ACAD10: variants seen among roughly 807,000 people sequenced by gnomAD.
ACAD10 encodes the protein ACAD-10.
In ACAD10, 112 loss-of-function variants were observed where a neutral mutation model predicts 116.8. That is an observed-to-expected ratio of 0.96 (90% CI 0.82 to 1.12). ACAD10 has a LOEUF of 1.12. Among genes scored for constraint, ACAD10 ranks in the 50% most tolerant of loss-of-function variants. ACAD10 has a pLI of 0.00. For synonymous variants in ACAD10, 486 were observed against 510.6 expected (o/e 0.95, Z 0.65); for missense variants, 1,259 against 1,350.2 (o/e 0.93, Z 1.06).
At chr12:111,732,217 A>C (rs1362286783) in intron 10 of ACAD10, among the ~76,000 whole-genome samples, 4 of 152,214 alleles carry the variant, frequency 2.6e-5, no homozygotes, top group Non-Finnish European at 1.5e-5. Context: ...TGTTTTGGTC[A>C]TGCTTGTAAT....
At chr12:111,720,363 A>G (rs539195324) in intron 7 of ACAD10, among the ~76,000 whole-genome samples, 36 of 152,194 alleles carry the variant, frequency 2.4e-4, no homozygotes, top group Non-Finnish European at 4.0e-4. Context: ...GTCTAATTCT[A>G]TCATTACTGA....
rs528263913 is a variant in ACAD10, at chr12:111,756,533, C to T, written c.*60C>T. 6.3e-7 allele frequency: 1 copy of T among 1,591,950 alleles called. No individual in the cohort carries two copies. Among genetic ancestry groups the T allele is most frequent in the Non-Finnish European group, 8.5e-7 (1 of 1,173,560 alleles). On this transcript the variant is annotated 3_prime_UTR_variant, in exon 21 of 21. Coordinates refer to ENST00000313698, the MANE Select transcript of ACAD10 (RefSeq NM_025247.6). The stretch of plus-strand genomic sequence containing the variant: ...GGTCCAGCTGTGCCCAGATCTGTCA[C>T]TGATGTGCCTCGAAAGATCCGGTGT...
Position 111,755,765 on chromosome 12 carries a change from T to C in ACAD10, c.3039+20T>C, listed in dbSNP as rs2068076789. ...ATTCAGGTGAGCACAGACCAGACAG[T>C]TGGCTTATTTGAACCATCAATACTA... On this transcript the variant is annotated intron_variant, in intron 20 of 20. Coordinates refer to ENST00000313698, the MANE Select transcript of ACAD10 (RefSeq NM_025247.6). The C allele has an allele frequency of 6.2e-7, 1 of 1,611,374 alleles. No individual in the cohort carries two copies. Among genetic ancestry groups the C allele is most frequent in the Non-Finnish European group, 8.5e-7 (1 of 1,177,928 alleles).
chr12:111,725,371 G>A (rs372974328), intron 8 of ACAD10, among the ~76,000 whole-genome samples: 2 of 152,190 alleles, frequency 1.3e-5, no homozygotes, highest in African/African-American at 2.4e-5. Context: ...TTAGCCAGGC[G>A]TGGAGGTGCA....
At chr12:111,703,333 G>A (rs1052769368) in intron 3 of ACAD10, among the ~76,000 whole-genome samples, 24 of 151,960 alleles carry the variant, frequency 1.6e-4, no homozygotes, top group Non-Finnish European at 5.9e-5. Context: ...TCTACATAAT[G>A]GCTTTGATAA....
rs116917532 is a variant in ACAD10 at position 111,728,978 on chromosome 12, G to C, written c.1244-828G>C. On this transcript the variant is annotated intron_variant, in intron 9 of 20. Transcript: ENST00000313698. ...TTACAGGCATGAGCCTCTGCAGCCA[G>C]CCCTCATGTAGTTCTTACCACATGC... is the stretch of plus-strand genomic sequence containing the variant. 6.8e-4 allele frequency among the ~76,000 whole-genome samples: 103 copies of C among 152,272 alleles called. 1 individual carries two copies. The highest frequency in any genetic ancestry group is 1.1e-3 in the Non-Finnish European group (77 of 68,034).
chr12:111,724,054 C>T (rs1010432532), intron 8 of ACAD10, among the ~76,000 whole-genome samples: 6 of 151,184 alleles, frequency 4.0e-5, no homozygotes, highest in African/African-American at 7.3e-5. Flanking sequence ...GTGCTCCTCA[C>T]TTCCTAGATG....
At chr12:111,704,384 C>T (rs1315795705) in intron 3 of ACAD10, among the ~76,000 whole-genome samples, 1 of 152,102 alleles carries the variant, frequency 6.6e-6, no homozygotes. Flanking sequence ...TTGTGATCCG[C>T]CCACCTTGGC....
intron 11 of ACAD10, 110 bp downstream of exon 11, chr12:111,734,178 T>G (rs1221126061): frequency 5.4e-5 from 79 of 1,461,098 alleles, no homozygotes; most frequent in Non-Finnish European, 7.4e-5. Flanking sequence ...GAAAGTGAGG[T>G]CCTGGTGGTT....
At chr12:111,702,468 T>C (rs1415166387) in intron 3 of ACAD10, among the ~76,000 whole-genome samples, 158 bp downstream of exon 3, 11 of 152,198 alleles carry the variant, frequency 7.2e-5, no homozygotes, top group Non-Finnish European at 4.4e-5. Context: ...CAGTGGCTCA[T>C]GCCTATAATC....
intron 10 of ACAD10, among the ~76,000 whole-genome samples, chr12:111,730,302 C>A (rs1440154523): frequency 6.6e-6 from 1 of 152,168 alleles, no homozygotes; most frequent in African/African-American, 2.4e-5. Flanking sequence ...TCTGTTGAGA[C>A]CCACTGTTTG....
At chr12:111,725,259 G>A (rs1249733042) in intron 8 of ACAD10, among the ~76,000 whole-genome samples, 1 of 152,074 alleles carries the variant, frequency 6.6e-6, no homozygotes, top group Non-Finnish European at 1.5e-5. Flanking sequence ...TGTAATCCCA[G>A]CACTTAAGGA....
intron 17 of ACAD10, 174 bp downstream of exon 17, chr12:111,748,649 G>C (rs1007871282): frequency 1.3e-6 from 1 of 741,864 alleles, no homozygotes; most frequent in East Asian, 2.7e-5. Context: ...CAACCATGCA[G>C]GCGGATTTCA....
chr12:111,703,337 T>C (rs1217347156), intron 3 of ACAD10, among the ~76,000 whole-genome samples: 1 of 152,126 alleles, frequency 6.6e-6, no homozygotes, highest in Non-Finnish European at 1.5e-5. Context: ...CATAATGGCT[T>C]TGATAAAAAA....
At chr12:111,744,499 A>C in intron 12 of ACAD10, 144 bp from the exon 13 acceptor site, 1 of 965,582 alleles carries the variant, frequency 1.0e-6, no homozygotes. Context: ...TCAGTGAGCT[A>C]TAGTGGCTCT....
Position 111,757,094 on chromosome 12 carries a change from G to C in ACAD10, c.*621G>C. On this transcript the variant is annotated 3_prime_UTR_variant, in exon 21 of 21. Coordinates refer to ENST00000313698, the MANE Select transcript of ACAD10 (RefSeq NM_025247.6). ...ACAGAAGAATAAGTAAACACATCTC[G>C]GAGGCTTTGTGGACTTTCTGTGTCA... 5 of 353,400 alleles carry C rather than the reference G, an allele frequency of 1.4e-5. 1 individual carries two copies. Among genetic ancestry groups the C allele is most frequent in the South Asian group, 1.0e-4 (5 of 47,636 alleles). The allele number at this position is 353,400 out of a possible 1,614,324, so 21.9% of individuals were successfully genotyped here. A position where few individuals can be genotyped will look rare whatever the true frequency, so the allele number is the denominator to read the frequency against.
In ACAD10 at chr12:111,727,967, T is replaced by C. The variant is rs967540247; in HGVS notation, c.1067T>C (p.Ile356Thr). Residue 356 changes from isoleucine (I) to threonine (T), a missense_variant, in exon 9 of 21, where the codon ATT becomes ACT. Physicochemically the swap from Ile to Thr is moderately conservative, Grantham distance 89 (BLOSUM62 -1). Coordinates refer to ENST00000313698, the MANE Select transcript of ACAD10 (RefSeq NM_025247.6). Reference protein sequence around the residue: ...VLDLCEDSSVIGTPFYVMEYC... With the variant: ...VLDLCEDSSVTGTPFYVMEYC... Reference sequence around the variant, plus strand: ...CCCTTCTGTGTTCCTCCCAGTGTCATTGGCACCCCCTTCTATGTGATGGAG... The same window carrying C: ...CCCTTCTGTGTTCCTCCCAGTGTCACTGGCACCCCCTTCTATGTGATGGAG... 18 of 1,609,126 alleles carry C rather than the reference T, an allele frequency of 1.1e-5. No homozygotes were observed. Among genetic ancestry groups the C allele is most frequent in the South Asian group, 3.3e-5 (3 of 90,020 alleles).
intron 4 of ACAD10, among the ~76,000 whole-genome samples, chr12:111,706,782 A>ATATATATTTTTTTTTT (rs778649893): frequency 7.9e-6 from 1 of 126,504 alleles, no homozygotes; most frequent in African/African-American, 3.2e-5. Flanking sequence ...ATATATATAT[A>ATATATATTTTTTTTTT]TTTTTTTTTT....
intron 12 of ACAD10, among the ~76,000 whole-genome samples, chr12:111,737,979 A>G (rs1334082722): frequency 6.6e-6 from 1 of 151,880 alleles, no homozygotes; most frequent in Non-Finnish European, 1.5e-5. Context: ...CAGCCTCCCA[A>G]GAAGCTGGGA....
Sources: allele counts gnomAD v4.1 joint callset (sites outside exome capture counted in the v4.1 genomes callset), GRCh38; gene constraint gnomAD v4.1.1; transcripts MANE v1.5; gene names NCBI Gene and HGNC (gene_info 2026-07-23, HGNC 2026-07-21).